The following ABCB11 variants were observed in gnomAD, a reference collection of about 807,000 sequenced individuals.
ABCB11 encodes bile salt export pump.
A neutral mutation model predicts 148.0 loss-of-function variants in ABCB11; 95 were observed. The observed-to-expected ratio is 0.64, with a 90% CI of 0.54 to 0.76. ABCB11 has a LOEUF of 0.76. ABCB11 is among the 30% of genes least tolerant of loss of function. The pLI is 0.00. For synonymous variants in ABCB11, 591 were observed against 555.4 expected (o/e 1.06, Z -0.90); for missense variants, 1,523 against 1,617.8 (o/e 0.94, Z 1.01).
At chr2:168,975,114 TAAAC>T (rs1258621197) in intron 12 of ABCB11, among the ~76,000 whole-genome samples, 3 of 134,810 alleles carry the variant, frequency 2.2e-5, no homozygotes, top group African/African-American at 8.1e-5. Flanking sequence ...GATAAATGTA[TAAAC>T]AAATATTTTT....
At chr2:168,989,412 T>C (rs921086293) in intron 9 of ABCB11, among the ~76,000 whole-genome samples, 6 of 152,250 alleles carry the variant, frequency 3.9e-5, no homozygotes, top group African/African-American at 1.2e-4. Flanking sequence ...TGTTGGTCTC[T>C]TTATTGAAAA....
At chr2:168,965,207 T>C (rs376177693) in intron 17 of ABCB11, among the ~76,000 whole-genome samples, 27 of 151,782 alleles carry the variant, frequency 1.8e-4, no homozygotes, top group African/African-American at 6.3e-4. Flanking sequence ...TGTATAAACA[T>C]AAGCATGGAG....
downstream of ABCB11, among the ~76,000 whole-genome samples, chr2:168,917,878 G>A (rs954759315): frequency 1.3e-5 from 2 of 152,176 alleles, no homozygotes; most frequent in African/African-American, 4.8e-5. Flanking sequence ...GCTGATTTGA[G>A]CTAACATGTG....
intron 19 of ABCB11, among the ~76,000 whole-genome samples, chr2:168,952,579 T>C (rs1692615120): frequency 6.6e-6 from 1 of 151,568 alleles, no homozygotes; most frequent in East Asian, 1.9e-4. Flanking sequence ...TTTTTCATTT[T>C]TGATTGAGTT....
intron 8 of ABCB11, among the ~76,000 whole-genome samples, chr2:168,993,183 A>G (rs1347594077): frequency 3.9e-5 from 6 of 151,944 alleles, no homozygotes; most frequent in Admixed American, 3.9e-4. Context: ...GATTGCAGAA[A>G]TCCTTCTTGT....
At chr2:168,936,888 GTTTA>G (rs533626386) in intron 21 of ABCB11, among the ~76,000 whole-genome samples, 274 of 151,830 alleles carry the variant, frequency 1.8e-3, no homozygotes, top group African/African-American at 6.3e-3. Context: ...TTTATTTTTT[GTTTA>G]TTTTATTTTA....
rs201248392 is a variant in ABCB11 at position 168,993,756 on chromosome 2, A to G, written c.738T>C (p.Ile246=). Residue 246 remains isoleucine (I), a synonymous_variant, in exon 8 of 28, where the codon ATT becomes ATC. Transcript: ENST00000650372. The part of the protein sequence containing the change: ...FRGWKLTLVI[I]SVSPLIGIGA... Reference sequence around the variant, plus strand: ...CAATCCCAATGAGAGGGCTGACAGAAATAATAACCAAGGTCAGTTTCCAAC... The same window carrying G: ...CAATCCCAATGAGAGGGCTGACAGAGATAATAACCAAGGTCAGTTTCCAAC... 1.6e-5 allele frequency: 26 copies of G among 1,610,526 alleles called. No individual in the cohort carries two copies. In the East Asian group the frequency reaches 5.8e-4, roughly 36 times the overall value.
chr2:169,005,557 C>T (rs529427079), intron 5 of ABCB11, among the ~76,000 whole-genome samples: 5 of 152,230 alleles, frequency 3.3e-5, no homozygotes, highest in African/African-American at 1.2e-4. Context: ...CACCGTGCCC[C>T]CAACAACAGC....
At chr2:168,943,443 G>A (rs781045443) in intron 21 of ABCB11, among the ~76,000 whole-genome samples, 13 of 151,950 alleles carry the variant, frequency 8.6e-5, no homozygotes, top group African/African-American at 1.7e-4. Flanking sequence ...GGGGAAAAAC[G>A]TAACTAGAGA....
downstream of ABCB11, among the ~76,000 whole-genome samples, chr2:168,918,954 T>C (rs1690999751): frequency 6.6e-6 from 1 of 152,208 alleles, no homozygotes; most frequent in Non-Finnish European, 1.5e-5. Flanking sequence ...GAAAGATATA[T>C]ATGTACATAA....
chr2:169,007,417 C>T (rs1695055224), intron 5 of ABCB11, among the ~76,000 whole-genome samples: 1 of 152,114 alleles, frequency 6.6e-6, no homozygotes, highest in Non-Finnish European at 1.5e-5. Context: ...ATACCTGAGA[C>T]TGGGTAACTT....
chr2:169,013,466 T>A lies in ABCB11; in HGVS notation c.195A>T (p.Gly65=). 1.1e-5 allele frequency: 17 copies of A among 1,613,536 alleles called. No homozygotes were observed. Among genetic ancestry groups the A allele is most frequent in the Non-Finnish European group, 1.4e-5 (17 of 1,179,710 alleles). The change falls in exon 5 of 28, where the codon GGA becomes GGT. Residue 65 remains glycine (G), a synonymous_variant. Transcript: ENST00000650372. ...SSTDIWLMFV[G]SLCAFLHGIA... is the part of the protein sequence containing the mutation. Reference sequence around the variant, plus strand: ...TTCCATGGAGAAATGCACACAAACTTCCCACAAACATCAGCCAAATGTCAG... The same window carrying A: ...TTCCATGGAGAAATGCACACAAACTACCCACAAACATCAGCCAAATGTCAG...
chr2:168,958,240 C>G, intron 18 of ABCB11, 112 bp from the exon 19 acceptor site: 1 of 971,232 alleles, frequency 1.0e-6, no homozygotes, highest in Non-Finnish European at 1.6e-6. Flanking sequence ...TTATGAGTGA[C>G]CTCAAATGTC....
rs765055611 is a variant in ABCB11 at position 168,958,034 on chromosome 2, C to T, written c.2273G>A (p.Gly758Glu). The T allele has an allele frequency of 6.2e-7, 1 of 1,611,182 alleles. No individual in the cohort carries two copies. Among genetic ancestry groups the T allele is most frequent in the Non-Finnish European group, 8.5e-7 (1 of 1,178,258 alleles). The part of the protein sequence containing the change: ...SAPEWPYMLV[G>E]SVGAAVNGTV... ...CCCGTTCACAGCTGCACCCACAGAC[C>T]CTACCAGCATGTAGGGCCATTCTGG... The change falls in exon 19 of 28, where the codon GGG becomes GAG. Residue 758 changes from glycine (G) to glutamate (E), a missense_variant. Transcript: ENST00000650372.
intron 1 of ABCB11, among the ~76,000 whole-genome samples, chr2:169,029,731 T>TTTC (rs1487649781): frequency 1.9e-5 from 1 of 52,608 alleles, no homozygotes; most frequent in Non-Finnish European, 4.3e-5. Context: ...CCTCTTTTTT[T>TTTC]TTTTTTTTTT....
chr2:169,009,002 T>C (rs1230691317), intron 5 of ABCB11, among the ~76,000 whole-genome samples: 1 of 152,120 alleles, frequency 6.6e-6, no homozygotes, highest in African/African-American at 2.4e-5. Flanking sequence ...CATGCTTAAG[T>C]TAAAGAAGCC....
At chr2:168,945,822 T>C (rs896356817) in intron 19 of ABCB11, among the ~76,000 whole-genome samples, 6 of 151,964 alleles carry the variant, frequency 3.9e-5, no homozygotes, top group African/African-American at 1.4e-4. Context: ...TTATAGACTA[T>C]ACAGCATTAA....
In ABCB11 at chr2:168,964,222, T is replaced by C. The variant is rs766290765; in HGVS notation, c.2162A>G (p.Tyr721Cys). 2 of 1,558,160 alleles carry C rather than the reference T, an allele frequency of 1.3e-6. No individual in the cohort carries two copies. Among genetic ancestry groups the C allele is most frequent in the East Asian group, 2.4e-5 (1 of 41,904 alleles). ...GTGCCTGACCTTTCTATCTTCTTCA[T>C]AGGTAGACTTATGATCTACAACAGC... ...PLAVVDHKST[Y>C]EEDRKDKDIP... The change falls in exon 18 of 28, where the codon TAT becomes TGT. Residue 721 changes from tyrosine to cysteine, a missense_variant. Tyr to Cys is a radical substitution (Grantham distance 194). Transcript: ENST00000650372.
In ABCB11 at chr2:168,923,526, A is replaced by T; in HGVS notation, c.*96T>A. ...ATTAACATTCTTCTTTAAAGAAAAAACAATCCCAGCAATCCCTCCTGCTGG... is the reference window on the plus strand; with the variant it reads ...ATTAACATTCTTCTTTAAAGAAAAATCAATCCCAGCAATCCCTCCTGCTGG... On this transcript the variant is annotated 3_prime_UTR_variant, in exon 28 of 28. Coordinates refer to ENST00000650372, the MANE Select transcript of ABCB11 (RefSeq NM_003742.4). The T allele has an allele frequency of 6.4e-6, 7 of 1,094,702 alleles. No individual in the cohort carries two copies. The highest frequency in any genetic ancestry group is 9.3e-6 in the Non-Finnish European group (7 of 748,810). 67.8% of individuals were successfully genotyped at this position (1,094,702 alleles called of 1,614,324 possible). A position where few individuals can be genotyped will look rare whatever the true frequency, so the allele number is the denominator to read the frequency against.
Sources: gnomAD v4.1 joint callset for allele counts (sites outside exome capture counted in the v4.1 genomes callset) on GRCh38, gnomAD v4.1.1 for gene constraint, MANE v1.5 for transcripts, NCBI Gene and HGNC (gene_info 2026-07-23, HGNC 2026-07-21) for gene names.